Variants in C1QTNF3 observed in about 807,000 individuals in gnomAD.
C1QTNF3 encodes the protein complement C1q tumor necrosis factor-related protein 3.
Under a neutral mutation model 32.6 loss-of-function variants are expected in C1QTNF3, and 26 were observed. The ratio of observed to expected loss-of-function variants is 0.80; its 90% CI spans 0.58 to 1.11. The LOEUF is 1.11. Ranked by LOEUF, C1QTNF3 falls within the 50% of genes least tolerant of loss-of-function variation. C1QTNF3 has a pLI of 0.00. For missense variants in C1QTNF3, 362 were observed against 398.2 expected (o/e 0.91, Z 0.77); for synonymous variants, 155 against 146.0 (o/e 1.06, Z -0.44).
At chr5:34,071,434 T>C in the C1QTNF3 span, among the ~76,000 whole-genome samples, 1 of 152,184 alleles carries the variant, frequency 6.6e-6, no homozygotes, top group Non-Finnish European at 1.5e-5. Flanking sequence ...ATTTCTTTAA[T>C]GACTCATTAT....
chr5:34,186,488 CTTTT>C, the C1QTNF3 span, among the ~76,000 whole-genome samples: 1 of 139,338 alleles, frequency 7.2e-6, no homozygotes. Flanking sequence ...TTCTTTCCTC[CTTTT>C]TTTTTTTTTT....
chr5:34,121,378 T>C, the C1QTNF3 span, among the ~76,000 whole-genome samples: 1 of 152,078 alleles, frequency 6.6e-6, no homozygotes. Context: ...TAATTGGAGG[T>C]ACAGTTCCAC....
At chr5:34,103,291 T>A in the C1QTNF3 span, among the ~76,000 whole-genome samples, 3 of 152,150 alleles carry the variant, frequency 2.0e-5, no homozygotes, top group Non-Finnish European at 4.4e-5. Flanking sequence ...TGTTTTTTTT[T>A]ATTTTTATGT....
the C1QTNF3 span, among the ~76,000 whole-genome samples, chr5:34,153,853 T>TAAAAAAAAA: frequency 3.0e-5 from 1 of 32,932 alleles, no homozygotes; most frequent in African/African-American, 9.3e-5. Flanking sequence ...ACTTAGAGTA[T>TAAAAAAAAA]AAAAAAAAAA....
rs1376601501 is a variant in C1QTNF3, at chr5:34,035,677, G to C, written c.385C>G (p.Pro129Ala). 3 of 1,611,126 alleles carry C rather than the reference G, an allele frequency of 1.9e-6. No individual in the cohort carries two copies. The highest frequency in any genetic ancestry group is 2.7e-5 in the African/African-American group (2 of 74,840). ...ATGCCAGGAGGGCCCGGTGGCCCAG[G>C]GGGGCCTTGGTAGCCTCGAAAGCTG... is the stretch of plus-strand genomic sequence containing the variant. ...DYSFRGYQGP[P>A]GPPGPPGIPG... Residue 129 changes from proline (P) to alanine (A), a missense_variant, in exon 2 of 6, where the codon CCT (proline) becomes GCT (alanine). Coordinates refer to ENST00000382065, the MANE Select transcript of C1QTNF3 (RefSeq NM_181435.6).
At chr5:34,172,354 G>C in the C1QTNF3 span, among the ~76,000 whole-genome samples, 1 of 129,392 alleles carries the variant, frequency 7.7e-6, no homozygotes, top group Non-Finnish European at 1.6e-5. Flanking sequence ...AAAATATCTT[G>C]TTGTTATACA....
chr5:34,028,263 C>T (rs1481196451), intron 4 of C1QTNF3, among the ~76,000 whole-genome samples: 1 of 152,156 alleles, frequency 6.6e-6, no homozygotes, highest in Non-Finnish European at 1.5e-5. Flanking sequence ...TGAGCCACCG[C>T]GCCGGGCCTT....
the C1QTNF3 span, among the ~76,000 whole-genome samples, chr5:34,134,930 T>C: frequency 5.9e-5 from 9 of 152,328 alleles, no homozygotes; most frequent in East Asian, 1.9e-4. Flanking sequence ...TCTTGCCTGA[T>C]TGCCCTGGCC....
At chr5:34,107,963 C>T in the C1QTNF3 span, among the ~76,000 whole-genome samples, 1 of 151,866 alleles carries the variant, frequency 6.6e-6, no homozygotes, top group Non-Finnish European at 1.5e-5. Context: ...TAAGATTTAT[C>T]ATTTGCTTCT....
At chr5:34,129,824 T>G in the C1QTNF3 span, among the ~76,000 whole-genome samples, 3 of 151,894 alleles carry the variant, frequency 2.0e-5, no homozygotes, top group Non-Finnish European at 2.9e-5. Flanking sequence ...TTAATCAGAG[T>G]GCCTAATGGA....
the C1QTNF3 span, among the ~76,000 whole-genome samples, chr5:34,070,044 T>C: frequency 2.0e-5 from 3 of 152,174 alleles, no homozygotes; most frequent in Non-Finnish European, 4.4e-5. Flanking sequence ...CAGAAAGTAC[T>C]TGTGAAAGAG....
chr5:34,207,002 G>A, the C1QTNF3 span, among the ~76,000 whole-genome samples: 2 of 152,208 alleles, frequency 1.3e-5, no homozygotes, highest in Non-Finnish European at 2.9e-5. Flanking sequence ...GCCACATAGG[G>A]AGTGTGCAAG....
At chr5:34,226,030 AT>A in the C1QTNF3 span, among the ~76,000 whole-genome samples, 1 of 152,002 alleles carries the variant, frequency 6.6e-6, no homozygotes, top group Admixed American at 6.6e-5. Context: ...CTGATTAAAT[AT>A]TTTTGACTTT....
chr5:34,073,832 G>A, the C1QTNF3 span, among the ~76,000 whole-genome samples: 4 of 151,878 alleles, frequency 2.6e-5, no homozygotes, highest in Non-Finnish European at 4.4e-5. Flanking sequence ...CACCTAAAAC[G>A]TGTCCTGATT....
chr5:34,118,627 AT>A, the C1QTNF3 span, among the ~76,000 whole-genome samples: 3 of 151,378 alleles, frequency 2.0e-5, no homozygotes, highest in South Asian at 6.2e-4. Context: ...TCTGACATGT[AT>A]TTTTTTCTAG....
At chr5:34,075,563 T>C in the C1QTNF3 span, among the ~76,000 whole-genome samples, 1 of 151,508 alleles carries the variant, frequency 6.6e-6, no homozygotes, top group African/African-American at 2.4e-5. Flanking sequence ...CATTAAATCA[T>C]ACACCTACTA....
the C1QTNF3 span, among the ~76,000 whole-genome samples, chr5:34,060,901 GCCTTGC>G: frequency 2.6e-5 from 4 of 152,018 alleles, no homozygotes; most frequent in Non-Finnish European, 4.4e-5. Context: ...AACCAATCAT[GCCTTGC>G]CAACAGTCCC....
chr5:34,163,544 T>C, the C1QTNF3 span, among the ~76,000 whole-genome samples: 1 of 152,038 alleles, frequency 6.6e-6, no homozygotes, highest in South Asian at 2.1e-4. Context: ...CATGATATAC[T>C]AAAGTTTCTG....
At chr5:34,180,314 A>C in the C1QTNF3 span, among the ~76,000 whole-genome samples, 44 of 149,956 alleles carry the variant, frequency 2.9e-4, no homozygotes, top group Non-Finnish European at 3.9e-4. Flanking sequence ...ACTGCTCTCC[A>C]GCCTGGGAGA....
Sources: gnomAD v4.1 joint callset for allele counts (sites outside exome capture counted in the v4.1 genomes callset) on GRCh38, gnomAD v4.1.1 for gene constraint, MANE v1.5 for transcripts, NCBI Gene and HGNC (gene_info 2026-07-23, HGNC 2026-07-21) for gene names.